Variants in SMAD3 observed in about 807,000 individuals in gnomAD.
SMAD3 encodes the protein SMAD family member 3.
In SMAD3, 12 loss-of-function variants were observed where a neutral mutation model predicts 51.8. The observed-to-expected ratio is 0.23, with a 90% confidence interval of 0.15 to 0.38. The LOEUF (loss-of-function observed/expected upper bound fraction) is 0.38, where lower values mean the gene tolerates loss of function less well. Among genes scored for constraint, SMAD3 ranks in the 10% least tolerant of loss-of-function variants. The pLI is 1.00. For synonymous variants in SMAD3, 238 were observed against 227.7 expected (o/e 1.05, Z -0.41); for missense variants, 294 against 565.6 (o/e 0.52, Z 4.87).
At chr15:67,129,018 C>T (rs1961458373) in intron 1 of SMAD3, among the ~76,000 whole-genome samples, 1 of 152,170 alleles carries the variant, frequency 6.6e-6, no homozygotes, top group Admixed American at 6.5e-5. Context: ...CAGCCACTTA[C>T]CCGAGGCCAC....
chr15:67,176,925 T>C lies in SMAD3; in HGVS notation c.659-4316T>C, dbSNP rs138112727. 2.1e-3 allele frequency among the ~76,000 whole-genome samples: 313 copies of C among 152,342 alleles called. 2 individuals are homozygous for C. Among genetic ancestry groups the C allele is most frequent in the African/African-American group, 5.6e-3 (233 of 41,586 alleles). ...AAGGCCGTGGGCACGTGCCATCGTC[T>C]ACCACCCCAGCTGTGCAAAATGCTC... On this transcript the variant is annotated intron_variant, in intron 5 of 8. Transcript: ENST00000327367.
chr15:67,069,874 T>C (rs1484951582), intron 1 of SMAD3, among the ~76,000 whole-genome samples: 1 of 152,046 alleles, frequency 6.6e-6, no homozygotes, highest in Non-Finnish European at 1.5e-5. Context: ...CCCAGCTAAT[T>C]TTTGTATTTT....
intron 4 of SMAD3, among the ~76,000 whole-genome samples, chr15:67,167,340 G>T (rs1962619665): frequency 6.6e-6 from 1 of 152,216 alleles, no homozygotes; most frequent in South Asian, 2.1e-4. Context: ...AGCCCAGGGA[G>T]CTCAGCGTGG....
intron 1 of SMAD3, among the ~76,000 whole-genome samples, chr15:67,118,397 C>T (rs1006414996): frequency 3.9e-5 from 6 of 152,172 alleles, no homozygotes; most frequent in Admixed American, 3.9e-4. Flanking sequence ...AGTAGAAGTT[C>T]TTGTTTTGTT....
intron 1 of SMAD3, among the ~76,000 whole-genome samples, chr15:67,108,846 AT>A (rs988081307): frequency 6.6e-6 from 1 of 151,486 alleles, no homozygotes; most frequent in Non-Finnish European, 1.5e-5. Context: ...GTTGTGCTCT[AT>A]TTTCATTTGG....
intron 1 of SMAD3, among the ~76,000 whole-genome samples, chr15:67,098,263 G>C (rs926867666): frequency 1.0e-4 from 15 of 143,620 alleles, no homozygotes; most frequent in Admixed American, 4.8e-4. Context: ...GAGAGGATTG[G>C]GCTTTGTGCC....
intron 1 of SMAD3, among the ~76,000 whole-genome samples, chr15:67,067,466 C>G (rs1374533156): frequency 6.6e-6 from 1 of 152,106 alleles, no homozygotes; most frequent in Non-Finnish European, 1.5e-5. Flanking sequence ...GGGGCTGGCT[C>G]TTTTGGGGGT....
intron 1 of SMAD3, among the ~76,000 whole-genome samples, chr15:67,123,516 G>T (rs533507156): frequency 6.6e-6 from 1 of 152,234 alleles, no homozygotes; most frequent in Non-Finnish European, 1.5e-5. Context: ...AAGGAAAAAA[G>T]AATTCTAACA....
chr15:67,176,493 T>C (rs1291448182), intron 5 of SMAD3, among the ~76,000 whole-genome samples: 1 of 152,248 alleles, frequency 6.6e-6, no homozygotes. Context: ...CTTTGCCCGT[T>C]CCTTGCTTTC....
chr15:67,193,732 A>T lies in SMAD3; in HGVS notation c.*3196A>T. On this transcript the variant is annotated 3_prime_UTR_variant, in exon 9 of 9. Transcript: ENST00000327367. ...TATTGACCATGGTGATTATTTTTTT[A>T]AACCATCGTTAATATACTGAAGTGA... The T allele has an allele frequency of 4.3e-6, 1 of 232,796 alleles. No homozygotes were observed. Among genetic ancestry groups the T allele is most frequent in the East Asian group, 6.0e-5 (1 of 16,678 alleles). The allele number at this position is 232,796 out of a possible 1,614,324, so 14.4% of individuals were successfully genotyped here. A position where few individuals can be genotyped will look rare whatever the true frequency, so the allele number is the denominator to read the frequency against.
At chr15:67,094,863 C>T (rs1179333368) in intron 1 of SMAD3, among the ~76,000 whole-genome samples, 1 of 152,142 alleles carries the variant, frequency 6.6e-6, no homozygotes, top group African/African-American at 2.4e-5. Context: ...GAGTTTTAAC[C>T]CAGTCTCTGG....
chr15:67,128,521 T>G (rs924722866), intron 1 of SMAD3, among the ~76,000 whole-genome samples: 2 of 152,106 alleles, frequency 1.3e-5, no homozygotes, highest in African/African-American at 4.8e-5. Flanking sequence ...TTCGAAAACC[T>G]TAAGATTTTA....
At chr15:67,085,057 C>A (rs191766436) in intron 1 of SMAD3, among the ~76,000 whole-genome samples, 1 of 152,148 alleles carries the variant, frequency 6.6e-6, no homozygotes, top group African/African-American at 2.4e-5. Flanking sequence ...CTAGGATGCT[C>A]GGGAATCTTT....
intron 1 of SMAD3, among the ~76,000 whole-genome samples, chr15:67,072,170 CAT>C (rs993850501): frequency 1.4e-4 from 22 of 152,252 alleles, no homozygotes; most frequent in Admixed American, 7.2e-4. Flanking sequence ...ATAATGTAAA[CAT>C]GTGATTGCTG....
chr15:67,088,393 C>T (rs997691772), intron 1 of SMAD3, among the ~76,000 whole-genome samples: 2 of 152,170 alleles, frequency 1.3e-5, no homozygotes, highest in African/African-American at 4.8e-5. Flanking sequence ...GAATCCAGCC[C>T]AGGCTAGGTG....
At chr15:67,125,928 G>T (rs1244032840) in intron 1 of SMAD3, 57 of 985,378 alleles carry the variant, frequency 5.8e-5, no homozygotes, top group Non-Finnish European at 6.6e-5. Context: ...ATTCCCACAG[G>T]ATGGGACAAC....
chr15:67,175,670 G>T (rs1962872078), intron 5 of SMAD3, among the ~76,000 whole-genome samples: 1 of 152,194 alleles, frequency 6.6e-6, no homozygotes, highest in Admixed American at 6.5e-5. Flanking sequence ...GTGAGTCAGG[G>T]TTAGGATTCT....
chr15:67,082,971 G>A (rs1960309832), intron 1 of SMAD3, among the ~76,000 whole-genome samples: 2 of 152,202 alleles, frequency 1.3e-5, no homozygotes, highest in South Asian at 4.1e-4. Context: ...AAGAGGTGAG[G>A]GTTGGCATGG....
intron 1 of SMAD3, among the ~76,000 whole-genome samples, chr15:67,093,523 T>C (rs1960552165): frequency 6.6e-6 from 1 of 152,154 alleles, no homozygotes; most frequent in Non-Finnish European, 1.5e-5. Flanking sequence ...TGCACTTTGC[T>C]CTCTCTCAGT....
Sources: allele counts gnomAD v4.1 joint callset (sites outside exome capture counted in the v4.1 genomes callset), GRCh38; gene constraint gnomAD v4.1.1; transcripts MANE v1.5; gene names NCBI Gene and HGNC (gene_info 2026-07-23, HGNC 2026-07-21).